Variants in LDLRAD3 observed in about 807,000 individuals in gnomAD.
LDLRAD3 encodes the protein low density lipoprotein receptor class A domain containing 3.
Under a neutral mutation model 29.4 loss-of-function variants are expected in LDLRAD3, and 20 were observed. The ratio of observed to expected loss-of-function variants is 0.68; its 90% CI spans 0.48 to 0.99. LDLRAD3 has a LOEUF of 0.99. LDLRAD3 is among the 50% of genes least tolerant of loss of function. The pLI is 0.00. For missense variants in LDLRAD3, 420 were observed against 454.3 expected (o/e 0.92, Z 0.69); for synonymous variants, 157 against 192.7 (o/e 0.81, Z 1.53).
At chr11:36,111,356 T>C (rs907354486) in intron 4 of LDLRAD3, among the ~76,000 whole-genome samples, 3 of 152,058 alleles carry the variant, frequency 2.0e-5, no homozygotes, top group Non-Finnish European at 4.4e-5. Context: ...CTCCCCCTCC[T>C]GCTTCCAACA....
At chr11:36,094,578 C>T (rs1184694131) in intron 3 of LDLRAD3, among the ~76,000 whole-genome samples, 1 of 152,180 alleles carries the variant, frequency 6.6e-6, no homozygotes, top group African/African-American at 2.4e-5. Context: ...CTCTGTCACC[C>T]CGGCTGGAGT....
intron 4 of LDLRAD3, among the ~76,000 whole-genome samples, chr11:36,192,332 A>G (rs891079601): frequency 3.9e-5 from 6 of 152,206 alleles, no homozygotes; most frequent in Non-Finnish European, 8.8e-5. Flanking sequence ...CTGCACCCCC[A>G]CTTGTCTCCC....
intron 4 of LDLRAD3, among the ~76,000 whole-genome samples, chr11:36,117,934 C>T (rs983072271): frequency 1.3e-5 from 2 of 152,124 alleles, no homozygotes; most frequent in Non-Finnish European, 2.9e-5. Context: ...GCACCAAGGC[C>T]AGCATCAAGG....
At chr11:36,131,767 T>C (rs1853928928) in intron 4 of LDLRAD3, among the ~76,000 whole-genome samples, 1 of 152,258 alleles carries the variant, frequency 6.6e-6, no homozygotes, top group African/African-American at 2.4e-5. Flanking sequence ...CTCCTATTTA[T>C]AGTTTCTAAC....
rs557206970 is a variant in LDLRAD3, at chr11:35,954,111, A to G, written c.46+9967A>G. On this transcript the variant is annotated intron_variant, in intron 1 of 5. Transcript: ENST00000315571. ...AGTGGTGACATAATAAAGGTTTAGCATACCCAGAGTTCATTTGTGTTATTC... is the reference window on the plus strand; with the variant it reads ...AGTGGTGACATAATAAAGGTTTAGCGTACCCAGAGTTCATTTGTGTTATTC... Among the ~76,000 whole-genome samples the G allele has an allele frequency of 5.3e-5, 8 of 152,358 alleles. No individual in the cohort carries two copies. The South Asian group carries it at 1.7e-3, about 32-fold the overall frequency.
Position 36,140,992 on chromosome 11 carries a change from T to TTCTTTCTCTCTCTC in LDLRAD3, c.454+42534_454+42535insTTCTCTCTCTCTCT, listed in dbSNP as rs1279929124. On this transcript the variant is annotated intron_variant, in intron 4 of 5. Transcript: ENST00000315571. Reference sequence around the variant, plus strand: ...TTTTAATTCTGGGTGCTGTTGAGCTTTCTCTCTCTCTCTCTCTCTCTCTCT... The same window carrying TTCTTTCTCTCTCTC: ...TTTTAATTCTGGGTGCTGTTGAGCTTTCTTTCTCTCTCTCTCTCTCTCTCTCTCTCTCTCTCTCT... Among the ~76,000 whole-genome samples the TTCTTTCTCTCTCTC allele has an allele frequency of 2.9e-3, 317 of 110,020 alleles. 2 individuals carry two copies. Among genetic ancestry groups the TTCTTTCTCTCTCTC allele is most frequent in the African/African-American group, 9.7e-3 (304 of 31,310 alleles). The allele number at this position is 110,020 out of a possible 152,430, so 72.2% of individuals were successfully genotyped here. A position where few individuals can be genotyped will look rare whatever the true frequency, so the allele number is the denominator to read the frequency against.
intron 4 of LDLRAD3, among the ~76,000 whole-genome samples, chr11:36,142,909 A>G (rs761157062): frequency 3.2e-4 from 48 of 152,368 alleles, no homozygotes; most frequent in Non-Finnish European, 6.2e-4. Context: ...TCCAGCTCCC[A>G]GGCTCATGGA....
At chr11:36,115,105 AG>A (rs1168440111) in intron 4 of LDLRAD3, among the ~76,000 whole-genome samples, 8 of 152,022 alleles carry the variant, frequency 5.3e-5, no homozygotes, top group Non-Finnish European at 1.0e-4. Flanking sequence ...ATTGTGAGGA[AG>A]CCCGAACTAT....
At chr11:36,079,697 G>A (rs1853080951) in intron 2 of LDLRAD3, among the ~76,000 whole-genome samples, 1 of 152,210 alleles carries the variant, frequency 6.6e-6, no homozygotes, top group Non-Finnish European at 1.5e-5. Context: ...ACAGGGGCTG[G>A]AGAAAAGTTT....
chr11:36,027,824 C>T (rs1046463094), intron 1 of LDLRAD3, among the ~76,000 whole-genome samples: 9 of 152,194 alleles, frequency 5.9e-5, no homozygotes, highest in African/African-American at 2.2e-4. Flanking sequence ...AGTGCAGAGT[C>T]GATTGGCTCT....
intron 4 of LDLRAD3, among the ~76,000 whole-genome samples, chr11:36,135,407 C>A (rs2133309942): frequency 6.6e-6 from 1 of 152,298 alleles, no homozygotes; most frequent in South Asian, 2.1e-4. Context: ...GGGGTGGCAA[C>A]AATTCTGACC....
chr11:35,989,495 T>C (rs968521629), intron 1 of LDLRAD3, among the ~76,000 whole-genome samples: 2 of 152,218 alleles, frequency 1.3e-5, no homozygotes, highest in African/African-American at 4.8e-5. Flanking sequence ...TTGATTATTC[T>C]AATCCATGAG....
intron 1 of LDLRAD3, among the ~76,000 whole-genome samples, chr11:36,033,617 C>T (rs907371555): frequency 6.6e-6 from 1 of 152,230 alleles, no homozygotes; most frequent in Non-Finnish European, 1.5e-5. Context: ...ACATTCCAGG[C>T]CCCTGAAGAG....
chr11:36,195,248 T>G (rs1855015011), intron 4 of LDLRAD3, among the ~76,000 whole-genome samples: 1 of 151,800 alleles, frequency 6.6e-6, no homozygotes, highest in Admixed American at 6.6e-5. Context: ...AGTGGTAGGA[T>G]GAGGAAGATG....
intron 2 of LDLRAD3, among the ~76,000 whole-genome samples, chr11:36,076,183 C>T (rs1349841858): frequency 1.3e-5 from 2 of 151,872 alleles, no homozygotes; most frequent in Non-Finnish European, 2.9e-5. Flanking sequence ...CCCTTACATA[C>T]ACACAAGTCA....
intron 4 of LDLRAD3, among the ~76,000 whole-genome samples, chr11:36,149,988 G>A (rs1042379668): frequency 5.9e-5 from 9 of 152,292 alleles, no homozygotes; most frequent in Non-Finnish European, 1.3e-4. Flanking sequence ...AGGCGTGAAC[G>A]GTGGAATAGG....
intron 4 of LDLRAD3, among the ~76,000 whole-genome samples, chr11:36,206,703 C>G (rs961338788): frequency 6.6e-5 from 10 of 150,766 alleles, no homozygotes; most frequent in African/African-American, 2.4e-4. Context: ...AGCCCTGTCA[C>G]TAGCAAGACT....
intron 4 of LDLRAD3, among the ~76,000 whole-genome samples, chr11:36,134,161 T>A (rs1170354203): frequency 1.3e-5 from 2 of 151,976 alleles, no homozygotes; most frequent in African/African-American, 2.4e-5. Flanking sequence ...AAGGCAAAAA[T>A]CATAACATCA....
chr11:36,197,079 C>T (rs1182705765), intron 4 of LDLRAD3: 1 of 152,196 alleles, frequency 6.6e-6, no homozygotes, highest in Admixed American at 6.5e-5. Context: ...TCCCTACGCC[C>T]TTCTGCATTC....
Sources: gnomAD v4.1 joint callset for allele counts (sites outside exome capture counted in the v4.1 genomes callset) on GRCh38, gnomAD v4.1.1 for gene constraint, MANE v1.5 for transcripts, NCBI Gene and HGNC (gene_info 2026-07-23, HGNC 2026-07-21) for gene names.